ARAP1: variants seen among roughly 807,000 people sequenced by gnomAD.
The protein encoded by ARAP1 is arf-GAP with Rho-GAP domain, ANK repeat and PH domain-containing protein 1.
ARAP1 carries 76 observed loss-of-function variants against 172.2 expected under a neutral mutation model. The observed-to-expected ratio is 0.44, with a 90% confidence interval of 0.37 to 0.53. ARAP1 has a LOEUF of 0.53. Ranked by LOEUF, ARAP1 falls within the 20% of genes least tolerant of loss-of-function variation. ARAP1 has a pLI of 0.00. For missense variants in ARAP1, 1,686 were observed against 1,977.5 expected (o/e 0.85, Z 2.80); for synonymous variants, 804 against 803.3 (o/e 1.00, Z -0.01).
At chr11:72,696,387 C>T (rs11821758) in intron 23 of ARAP1, among the ~76,000 whole-genome samples, 162 bp downstream of exon 23, 1 of 152,300 alleles carries the variant, frequency 6.6e-6, no homozygotes, top group South Asian at 2.1e-4. Context: ...GGCCTGGGGA[C>T]TGGGGAACCC....
At chr11:72,712,090 C>A in intron 7 of ARAP1, 106 bp downstream of exon 7, 1 of 1,418,646 alleles carries the variant, frequency 7.0e-7, no homozygotes, top group Non-Finnish European at 9.3e-7. Flanking sequence ...CATCGCAGGC[C>A]CTTCTGGTTT....
At chr11:72,729,418 C>T (rs1411803686) in intron 2 of ARAP1, among the ~76,000 whole-genome samples, 3 of 152,072 alleles carry the variant, frequency 2.0e-5, no homozygotes, top group Non-Finnish European at 2.9e-5. Flanking sequence ...ACGGCAAACC[C>T]TTGTCTCTAC....
At position 72,691,611 on chromosome 11, in the gene ARAP1, G is replaced by GTCC. The variant is rs762891854; in HGVS notation, c.3987+1139_3987+1141dup. ...CAAAATGCAAAGAGAAGGAGATGAGGTCCTGCTCTATCTGCTCTGCTCCTG... is the reference window on the plus strand; with the variant it reads ...CAAAATGCAAAGAGAAGGAGATGAGGTCCTCCTGCTCTATCTGCTCTGCTCCTG... On this transcript the variant is annotated intron_variant, in intron 30 of 34. Coordinates refer to ENST00000393609, the MANE Select transcript of ARAP1 (RefSeq NM_001040118.3). Among the ~76,000 whole-genome samples the GTCC allele has an allele frequency of 1.3e-4, 20 of 152,160 alleles. No homozygotes were observed. The South Asian group carries it at 3.9e-3, about 30-fold the overall frequency.
Position 72,732,228 on chromosome 11 carries a change from G to C in ARAP1, c.-45+287C>G, listed in dbSNP as rs568009879. 5.9e-5 allele frequency among the ~76,000 whole-genome samples: 9 copies of C among 152,278 alleles called. No homozygotes were observed. The South Asian group carries it at 1.9e-3, about 32-fold the overall frequency. ...AAAGGGAACAAAACTTGCCAGGCAG[G>C]GAGGGGAATCCAGTGAGGAGATACA... On this transcript the variant is annotated intron_variant, in intron 2 of 34. Coordinates refer to ENST00000393609, the MANE Select transcript of ARAP1 (RefSeq NM_001040118.3).
chr11:72,702,920 T>C lies in ARAP1; in HGVS notation c.2152A>G (p.Asn718Asp). Reference sequence around the variant, plus strand: ...CCACGCTCACCTGTGGTCCGGTTGTTCCGAAGGAATTCCATCTGCAGCGTC... The same window carrying C: ...CCACGCTCACCTGTGGTCCGGTTGTCCCGAAGGAATTCCATCTGCAGCGTC... ...GQTLQMEFLR[N>D]NRTTEVPRLD... Residue 718 changes from asparagine (N) to aspartate (D), a missense_variant, in exon 15 of 35, where the codon AAC becomes GAC. By Grantham distance (23) the Asn-to-Asp change is conservative (BLOSUM62 1). Around this residue, in one of 5 missense-constraint regions of ARAP1, gnomAD observed 688 missense variants for 856.9 expected, o/e 0.80. Transcript: ENST00000393609. 2 of 1,555,562 alleles carry C rather than the reference T, an allele frequency of 1.3e-6. No individual in the cohort carries two copies.
At chr11:72,697,722 C>G in intron 19 of ARAP1, 73 bp from the exon 20 acceptor site, 1 of 1,588,244 alleles carries the variant, frequency 6.3e-7, no homozygotes, top group Non-Finnish European at 8.6e-7. Flanking sequence ...CCTCTGTGAG[C>G]ACACACACAC....
In ARAP1 at chr11:72,710,907, C is replaced by A; in HGVS notation, c.1213+114G>T. ...ACCTCACAAAGGCAGCATGCCTCCC[C>A]GGATGTGATGTGAGAGGGCAGATGC... On this transcript the variant is annotated intron_variant, in intron 9 of 34. Transcript: ENST00000393609. This position sits in a 1 kb window ranked among gnomAD's most constrained non-coding sequence, Gnocchi z 4.3. 2 of 1,558,324 alleles carry A rather than the reference C, an allele frequency of 1.3e-6. No individual in the cohort carries two copies. Among genetic ancestry groups the A allele is most frequent in the Admixed American group, 3.5e-5 (2 of 56,608 alleles).
intron 3 of ARAP1, 140 bp from the exon 4 acceptor site, chr11:72,714,461 C>A: frequency 2.4e-6 from 2 of 825,894 alleles, no homozygotes; most frequent in Non-Finnish European, 3.7e-6. Context: ...TGCACACAGT[C>A]CTCCTCAACT....
Position 72,693,231 on chromosome 11 carries a change from G to T in ARAP1, c.3954+94C>A. ...CTGTGCCATCCTGAGAGCCTGTAAC[G>T]GGAATATTTCCACTTGCAGACCAAG... On this transcript the variant is annotated intron_variant, in intron 29 of 34. Transcript: ENST00000393609. The surrounding 1 kb of genome is among the most constrained non-coding windows in gnomAD (Gnocchi z 4.6). 1 of 1,513,894 alleles carries T rather than the reference G, an allele frequency of 6.6e-7. No individual in the cohort carries two copies. The highest frequency in any genetic ancestry group is 2.3e-5 in the East Asian group (1 of 43,992). 93.8% of individuals were successfully genotyped at this position (1,513,894 alleles called of 1,614,324 possible).
At chr11:72,689,864 C>T (rs146021589) in intron 30 of ARAP1, among the ~76,000 whole-genome samples, 169 of 152,044 alleles carry the variant, frequency 1.1e-3, no homozygotes, top group African/African-American at 3.7e-3. Context: ...AATCAGGCTT[C>T]GGACATGGAA....
At position 72,704,619 on chromosome 11, in the gene ARAP1, C is replaced by G; in HGVS notation, c.1810-285G>C. 3 of 390,460 alleles carry G rather than the reference C, an allele frequency of 7.7e-6. No homozygotes were observed. The South Asian group carries it at 1.2e-4, about 15-fold the overall frequency. The allele number at this position is 390,460 out of a possible 1,614,324, so 24.2% of individuals were successfully genotyped here. A position where few individuals can be genotyped will look rare whatever the true frequency, so the allele number is the denominator to read the frequency against. The stretch of plus-strand genomic sequence containing the variant: ...CTTGCACCTGGTCCCAGGGGCCTTG[C>G]TGCTGCCCCACCCAGTTCCACATCT... On this transcript the variant is annotated intron_variant, in intron 13 of 34. Coordinates refer to ENST00000393609, the MANE Select transcript of ARAP1 (RefSeq NM_001040118.3).
Position 72,697,398 on chromosome 11 carries a change from G to A in ARAP1, c.2878C>T (p.Leu960=). 1 of 1,611,988 alleles carries A rather than the reference G, an allele frequency of 6.2e-7. No individual in the cohort carries two copies. The highest frequency in any genetic ancestry group is 8.5e-7 in the Non-Finnish European group (1 of 1,179,294). Residue 960 remains leucine (L), a synonymous_variant, in exon 21 of 35, where the codon CTG becomes TTG. Coordinates refer to ENST00000393609, the MANE Select transcript of ARAP1 (RefSeq NM_001040118.3). The stretch of plus-strand genomic sequence containing the variant: ...GAGTCCCCAAGCTGCTGCTCCGACA[G>A]CGTGTCCCCCATGCTGGCGGCTGCT... ...QKAAASMGDT[L]SEQQLGDSDI...
At chr11:72,746,291 G>C (rs186862234) in intron 1 of ARAP1, among the ~76,000 whole-genome samples, 20 of 152,328 alleles carry the variant, frequency 1.3e-4, no homozygotes, top group African/African-American at 3.8e-4. Flanking sequence ...AGGGTTCCCA[G>C]ATTTCTTGAA....
Position 72,712,279 on chromosome 11 carries a change from G to A in ARAP1, c.939C>T (p.His313=). Residue 313 remains histidine (H), a synonymous_variant, in exon 7 of 35, where the codon CAC becomes CAT. Transcript: ENST00000393609. ...LSLPSTIAAP[H]PMDGPPGGST... ...AGCCCCCAGGCGGCCCGTCCATGGG[G>A]TGTGGCGCAGCTATTGTGCTGGGCA... 1.3e-5 allele frequency: 21 copies of A among 1,597,436 alleles called. No individual in the cohort carries two copies. The highest frequency in any genetic ancestry group is 1.8e-5 in the Non-Finnish European group (21 of 1,171,206).
Position 72,702,902 on chromosome 11 carries a change from C to A in ARAP1, c.2167+3G>T. 6.4e-7 allele frequency: 1 copy of A among 1,552,848 alleles called. No individual in the cohort carries two copies. Among genetic ancestry groups the A allele is most frequent in the South Asian group, 1.2e-5 (1 of 84,170 alleles). ...GTGGACCCCCACCCTCTGCCACGCT[C>A]ACCTGTGGTCCGGTTGTTCCGAAGG... On this transcript the variant is annotated splice_donor_region_variant and intron_variant, in intron 15 of 34. Coordinates refer to ENST00000393609, the MANE Select transcript of ARAP1 (RefSeq NM_001040118.3).
At chr11:72,692,717 T>C (rs1855991863) in intron 30 of ARAP1, 36 bp downstream of exon 30, 1 of 1,613,320 alleles carries the variant, frequency 6.2e-7, no homozygotes. Context: ...CCCCAGGTGG[T>C]GTAAGGCAGC....
intron 6 of ARAP1, 47 bp from the exon 7 acceptor site, chr11:72,712,386 G>A: frequency 6.5e-7 from 1 of 1,540,958 alleles, no homozygotes; most frequent in Non-Finnish European, 8.8e-7. Flanking sequence ...GAGGCAAGGA[G>A]GGGGCGGGCT....
chr11:72,728,505 CA>C (rs1295028516), intron 2 of ARAP1, among the ~76,000 whole-genome samples: 1 of 152,056 alleles, frequency 6.6e-6, no homozygotes, highest in African/African-American at 2.4e-5. Context: ...TGCTTGAACC[CA>C]GGAGGCAGAG....
At chr11:72,697,857 G>A in intron 19 of ARAP1, 54 bp downstream of exon 19, 1 of 1,503,962 alleles carries the variant, frequency 6.6e-7, no homozygotes, top group South Asian at 1.3e-5. Context: ...TGGGGGCCTG[G>A]GAGCCCAGGA....
Sources: allele counts gnomAD v4.1 joint callset (sites outside exome capture counted in the v4.1 genomes callset), GRCh38; gene constraint gnomAD v4.1.1; regional missense constraint gnomAD v4.1.1; non-coding constraint Gnocchi (gnomAD v3.1); transcripts MANE v1.5; gene names NCBI Gene and HGNC (gene_info 2026-07-23, HGNC 2026-07-21).